Variants in MINDY1 observed in about 807,000 individuals in gnomAD.
The protein encoded by MINDY1 is ubiquitin carboxyl-terminal hydrolase MINDY-1.
A neutral mutation model predicts 53.6 loss-of-function variants in MINDY1; 50 were observed. That is an observed-to-expected ratio of 0.93 (90% CI 0.74 to 1.18). The LOEUF (loss-of-function observed/expected upper bound fraction) is 1.18, where lower values mean the gene tolerates loss of function less well. MINDY1 is among the 50% of genes most tolerant of loss of function. The pLI is 0.00. For synonymous variants in MINDY1, 231 were observed against 234.7 expected, an observed-to-expected ratio of 0.98 and a Z score of 0.14; for missense variants, 484 against 578.6, an observed-to-expected ratio of 0.84 and a Z score of 1.68.
intron 7 of MINDY1, 75 bp from the exon 8 acceptor site, chr1:150,998,348 G>C: frequency 7.2e-7 from 1 of 1,393,362 alleles, no homozygotes. Flanking sequence ...ATCTCGGTAT[G>C]AGCATGTGGA....
At chr1:151,000,072 G>A (rs1340414226) in intron 5 of MINDY1, 108 bp from the exon 6 acceptor site, 2 of 719,060 alleles carry the variant, frequency 2.8e-6, no homozygotes, top group Admixed American at 3.1e-5. Flanking sequence ...GTGATGAATG[G>A]TTCCTAAACA....
chr1:150,996,700 G>A (rs1671871752), downstream of MINDY1: 1 of 151,646 alleles, frequency 6.6e-6, no homozygotes, highest in Non-Finnish European at 1.5e-5. Context: ...CCACCATGAC[G>A]CCCAGCTAAT....
At position 150,999,985 on chromosome 1, in the gene MINDY1, G is replaced by C; in HGVS notation, c.736-21C>G. 1 of 1,583,998 alleles carries C rather than the reference G, an allele frequency of 6.3e-7. No homozygotes were observed. Among genetic ancestry groups the C allele is most frequent in the Non-Finnish European group, 8.6e-7 (1 of 1,157,180 alleles). On this transcript the variant is annotated intron_variant, in intron 5 of 9. Coordinates refer to ENST00000683666, the MANE Select transcript of MINDY1 (RefSeq NM_001376665.1). The surrounding 1 kb of genome is among the most constrained non-coding windows in gnomAD (Gnocchi z 4.4). The stretch of plus-strand genomic sequence containing the variant: ...GGACTCTGCTTGGGTAGTGGGATGT[G>C]GGATACCAAAAAAATTGGGATTTTT...
intron 4 of MINDY1, among the ~76,000 whole-genome samples, chr1:151,000,916 C>T (rs975845605): frequency 1.3e-5 from 2 of 152,000 alleles, no homozygotes; most frequent in Admixed American, 1.3e-4. Flanking sequence ...GTAGCTGGGA[C>T]TACAGGCACG....
upstream of MINDY1, among the ~76,000 whole-genome samples, chr1:151,008,076 C>T (rs3002293): frequency 0.96 from 146,434 of 152,302 alleles, 70,659 homozygotes; most frequent in East Asian, 1. Context: ...TTGGTGGCGA[C>T]TGAGTCAGTT....
Position 150,997,909 on chromosome 1 carries a change from G to C in MINDY1, c.1174-130C>G, listed in dbSNP as rs956144222. 52 of 1,181,518 alleles carry C rather than the reference G, an allele frequency of 4.4e-5. 1 individual carries two copies. In the South Asian group the frequency reaches 4.7e-4, roughly 11 times the overall value. 73.2% of individuals were successfully genotyped at this position (1,181,518 alleles called of 1,614,324 possible). A position where few individuals can be genotyped will look rare whatever the true frequency, so the allele number is the denominator to read the frequency against. ...TTCTCCCCACAGAGCAGCACACACAGCCAAATGCATTATCTGTGGTGCCAG... is the reference window on the plus strand; with the variant it reads ...TTCTCCCCACAGAGCAGCACACACACCCAAATGCATTATCTGTGGTGCCAG... On this transcript the variant is annotated intron_variant, in intron 8 of 9. Transcript: ENST00000683666.
At position 151,000,597 on chromosome 1, in the gene MINDY1, T is replaced by C; in HGVS notation, c.595A>G (p.Thr199Ala). 1 of 1,610,446 alleles carries C rather than the reference T, an allele frequency of 6.2e-7. No homozygotes were observed. Among genetic ancestry groups the C allele is most frequent in the Non-Finnish European group, 8.5e-7 (1 of 1,178,946 alleles). ...NFQQNVDDAM[T>A]VLPKLATGLD... Reference sequence around the variant, plus strand: ...CCTGTGGCCAGTTTAGGCAGCACTGTCATTGCATCATCCACATTCTGGGGG... The same window carrying C: ...CCTGTGGCCAGTTTAGGCAGCACTGCCATTGCATCATCCACATTCTGGGGG... Residue 199 changes from threonine to alanine, a missense_variant, in exon 5 of 10, where the codon ACA becomes GCA. By Grantham distance (58) the Thr-to-Ala change is moderately conservative (BLOSUM62 0). Coordinates refer to ENST00000683666, the MANE Select transcript of MINDY1 (RefSeq NM_001376665.1).
Position 150,997,643 on chromosome 1 carries a change from G to T in MINDY1, c.1310C>A (p.Thr437Lys), listed in dbSNP as rs146551660. The change falls in exon 9 of 10, where the codon ACG becomes AAG. Residue 437 changes from threonine (T) to lysine (K), a missense_variant. Transcript: ENST00000683666. Reference sequence around the variant, plus strand: ...GCCCACCTGCAGTGACAGGACCCGCGTCCGCATCCGCACTGGCTGCGCTGC... The same window carrying T: ...GCCCACCTGCAGTGACAGGACCCGCTTCCGCATCCGCACTGGCTGCGCTGC... ...QQAAQPVRMR[T>K]RVLSLQGRGA... 1.2e-6 allele frequency: 2 copies of T among 1,610,148 alleles called. No homozygotes were observed. Among genetic ancestry groups the T allele is most frequent in the African/African-American group, 2.7e-5 (2 of 74,942 alleles).
At chr1:151,004,943 C>CT (rs375214864) in intron 1 of MINDY1, among the ~76,000 whole-genome samples, 3 of 152,246 alleles carry the variant, frequency 2.0e-5, no homozygotes, top group Middle Eastern at 3.4e-3. Flanking sequence ...AGCCTAGTCA[C>CT]TCAAATTGAT....
In MINDY1 at chr1:151,006,614, T is replaced by C. The variant is rs1673248008; in HGVS notation, c.-392A>G. ...TTCCTGAGTCGCCGAGTCTATGGCA[T>C]GCGCTCCGGGCCCTGACTACAAGCT... is the stretch of plus-strand genomic sequence containing the variant. On this transcript the variant is annotated 5_prime_UTR_variant, in exon 1 of 10. It removes an upstream start codon present in the reference 5' UTR. Transcript: ENST00000683666. 1.0e-6 allele frequency: 1 copy of C among 988,930 alleles called. No homozygotes were observed. The allele number at this position is 988,930 out of a possible 1,614,324, so 61.3% of individuals were successfully genotyped here. A position where few individuals can be genotyped will look rare whatever the true frequency, so the allele number is the denominator to read the frequency against.
chr1:151,000,582 G>T lies in MINDY1; in HGVS notation c.610C>A (p.Leu204Met), dbSNP rs1228698178. 7 of 1,613,488 alleles carry T rather than the reference G, an allele frequency of 4.3e-6. No homozygotes were observed. In the South Asian group the frequency reaches 5.5e-5, roughly 13 times the overall value. The change falls in exon 5 of 10, where the codon CTG becomes ATG. Residue 204 changes from leucine (L) to methionine (M), a missense_variant. Leu to Met is a conservative substitution (Grantham distance 15). Coordinates refer to ENST00000683666, the MANE Select transcript of MINDY1 (RefSeq NM_001376665.1). ...VDDAMTVLPK[L>M]ATGLDVNVRF... is the part of the protein sequence containing the mutation. ...ACATTGACATCCAGACCTGTGGCCA[G>T]TTTAGGCAGCACTGTCATTGCATCA...
intron 1 of MINDY1, chr1:151,006,035 C>A: frequency 6.5e-7 from 1 of 1,538,714 alleles, no homozygotes; most frequent in Non-Finnish European, 8.8e-7. Context: ...TTTGTGCAAT[C>A]AATAGTTTAG....
intron 1 of MINDY1, among the ~76,000 whole-genome samples, chr1:151,005,040 A>G (rs1008934979): frequency 6.6e-6 from 1 of 152,054 alleles, no homozygotes; most frequent in African/African-American, 2.4e-5. Context: ...AATTGCCTGC[A>G]GGCCTTATGC....
chr1:151,007,308 A>C (rs1483482591), upstream of MINDY1, among the ~76,000 whole-genome samples: 1 of 152,218 alleles, frequency 6.6e-6, no homozygotes, highest in Non-Finnish European at 1.5e-5. Context: ...GATCAAGACC[A>C]ACCTGGCCAA....
In MINDY1 at chr1:151,002,613, T is replaced by G. The variant is rs1222891836; in HGVS notation, c.5A>C (p.Glu2Ala). The G allele has an allele frequency of 6.2e-7, 1 of 1,614,044 alleles. No individual in the cohort carries two copies. The highest frequency in any genetic ancestry group is 8.5e-7 in the Non-Finnish European group (1 of 1,180,002). The change falls in exon 2 of 10, where the codon GAA (glutamate) becomes GCA (alanine). Residue 2 changes from glutamate to alanine, a missense_variant. Glu to Ala is a moderately radical substitution (Grantham distance 107). Transcript: ENST00000683666. The surrounding 1 kb of genome is among the most constrained non-coding windows in gnomAD (Gnocchi z 4.1). Reference sequence around the variant, plus strand: ...GGCTGGATCCTCAGGCTGATGGTATTCCATGGTCAAAAGGGACTTGGCTGA... The same window carrying G: ...GGCTGGATCCTCAGGCTGATGGTATGCCATGGTCAAAAGGGACTTGGCTGA... Reference protein sequence around the residue: MEYHQPEDPAPG... With the variant: MAYHQPEDPAPG...
rs191254945 is a variant in MINDY1 at position 150,998,018 on chromosome 1, T to C, written c.1173+64A>G. On this transcript the variant is annotated intron_variant, in intron 8 of 9. Coordinates refer to ENST00000683666, the MANE Select transcript of MINDY1 (RefSeq NM_001376665.1). ...CACATGGCCTCTAGCAGTTAAAATG[T>C]ATGCAGTAAAAAGCTCTCTGAGGCA... is the stretch of plus-strand genomic sequence containing the variant. 4.9e-5 allele frequency: 74 copies of C among 1,500,016 alleles called. No homozygotes were observed. In the Admixed American group the frequency reaches 1.4e-3, roughly 28 times the overall value. 92.9% of individuals were successfully genotyped at this position (1,500,016 alleles called of 1,614,324 possible).
In MINDY1 at chr1:151,002,382, C is replaced by A. The variant is rs1672682547; in HGVS notation, c.236G>T (p.Gly79Val). The A allele has an allele frequency of 6.8e-6, 11 of 1,613,980 alleles. No homozygotes were observed. The highest frequency in any genetic ancestry group is 9.3e-6 in the Non-Finnish European group (11 of 1,180,020). The change falls in exon 2 of 10, where the codon GGG becomes GTG. Residue 79 changes from glycine (G) to valine (V), a missense_variant. Gly to Val is a moderately radical substitution (Grantham distance 109, BLOSUM62 -3). Coordinates refer to ENST00000683666, the MANE Select transcript of MINDY1 (RefSeq NM_001376665.1). This position sits in a 1 kb window ranked among gnomAD's most constrained non-coding sequence, Gnocchi z 4.1. ...PLPEASSAPP[G>V]PTLGTLPEVE... The stretch of plus-strand genomic sequence containing the variant: ...TTCAGGCAGTGTCCCAAGGGTTGGC[C>A]CCGGTGGAGCTGAGCTAGCTTCAGG...
chr1:151,006,370 A>G lies in MINDY1; in HGVS notation c.-148T>C. The G allele has an allele frequency of 2.2e-6, 3 of 1,386,752 alleles. No homozygotes were observed. Among genetic ancestry groups the G allele is most frequent in the Non-Finnish European group, 2.8e-6 (3 of 1,070,116 alleles). The allele number at this position is 1,386,752 out of a possible 1,614,324, so 85.9% of individuals were successfully genotyped here. A position where few individuals can be genotyped will look rare whatever the true frequency, so the allele number is the denominator to read the frequency against. ...AGGAGGGTTCAGCCGTGGCAATGAG[A>G]TGGGGGAGATAGGTGCAATGAAGGG... On this transcript the variant is annotated 5_prime_UTR_variant, in exon 1 of 10. Transcript: ENST00000683666.
chr1:151,004,282 T>C (rs1053458213), intron 1 of MINDY1, among the ~76,000 whole-genome samples: 5 of 152,116 alleles, frequency 3.3e-5, no homozygotes, highest in Non-Finnish European at 7.4e-5. Context: ...CTATCAGCAC[T>C]GGAGGCACAT....
Sources: gnomAD v4.1 joint callset for allele counts (sites outside exome capture counted in the v4.1 genomes callset) on GRCh38, gnomAD v4.1.1 for gene constraint, Gnocchi (gnomAD v3.1) non-coding constraint, MANE v1.5 for transcripts, NCBI Gene and HGNC (gene_info 2026-07-23, HGNC 2026-07-21) for gene names.